EML5: variants seen among roughly 807,000 people sequenced by gnomAD.
EML5 encodes the protein echinoderm microtubule-associated protein-like 5.
In EML5, 120 loss-of-function variants were observed where a neutral mutation model predicts 250.0. That is an observed-to-expected ratio of 0.48 (90% CI 0.41 to 0.56). EML5 has a LOEUF of 0.56. EML5 is among the 20% of genes least tolerant of loss of function. EML5 has a pLI of 0.00. For missense variants in EML5, 2,006 were observed against 2,437.6 expected (o/e 0.82, Z 3.73); for synonymous variants, 771 against 806.5 (o/e 0.96, Z 0.75).
At chr14:88,647,994 T>C (rs563197620) in intron 28 of EML5, among the ~76,000 whole-genome samples, 11 of 152,220 alleles carry the variant, frequency 7.2e-5, no homozygotes, top group Middle Eastern at 3.4e-3. Flanking sequence ...CCTAAGAGGG[T>C]TCCCCAGTCA....
At chr14:88,644,023 G>A (rs1420972249) in intron 30 of EML5, among the ~76,000 whole-genome samples, 1 of 152,164 alleles carries the variant, frequency 6.6e-6, no homozygotes, top group African/African-American at 2.4e-5. Flanking sequence ...AGGAGAAACA[G>A]GCTTCATGAA....
At chr14:88,621,334 T>C (rs1302115767) in intron 37 of EML5, 33 bp from the exon 38 acceptor site, 11 of 1,609,098 alleles carry the variant, frequency 6.8e-6, no homozygotes, top group Non-Finnish European at 9.4e-6. Context: ...ACAGTGAATG[T>C]AATACAACAG....
Position 88,736,072 on chromosome 14 carries a change from C to T in EML5, c.1049+292G>A, listed in dbSNP as rs1305866553. 8.7e-5 allele frequency among the ~76,000 whole-genome samples: 13 copies of T among 148,948 alleles called. No individual in the cohort carries two copies. The East Asian group carries it at 1.2e-3, about 14-fold the overall frequency. ...CTGGAATGCAGTGCCATGATCTTGG[C>T]GCACTGCAACCTTCGCCTCCTGGGT... On this transcript the variant is annotated intron_variant, in intron 7 of 43. Transcript: ENST00000554922.
chr14:88,743,298 A>G (rs1412685162), intron 4 of EML5, among the ~76,000 whole-genome samples: 1 of 152,092 alleles, frequency 6.6e-6, no homozygotes, highest in African/African-American at 2.4e-5. Flanking sequence ...GAAATAGCAA[A>G]TGTTTGGGAT....
chr14:88,710,100 C>T (rs997653040), intron 10 of EML5, among the ~76,000 whole-genome samples: 1 of 152,158 alleles, frequency 6.6e-6, no homozygotes, highest in Non-Finnish European at 1.5e-5. Flanking sequence ...TCACTGTCCA[C>T]CACAGCCCCT....
At chr14:88,616,039 T>A (rs1279831522) in intron 43 of EML5, 103 bp downstream of exon 43, 1 of 1,336,886 alleles carries the variant, frequency 7.5e-7, no homozygotes, top group African/African-American at 1.5e-5. Context: ...CTTCTACTAA[T>A]GTTGACTAGC....
In EML5 at chr14:88,734,820, G is replaced by A. The variant is rs564350610; in HGVS notation, c.1049+1544C>T. ...TGCAATTAGCCAAATCCAGAATGTG[G>A]GAAACGCTGAATAAACTGTAAGAAG... On this transcript the variant is annotated intron_variant, in intron 7 of 43. Coordinates refer to ENST00000554922, the MANE Select transcript of EML5 (RefSeq NM_183387.3). Among the ~76,000 whole-genome samples the A allele has an allele frequency of 1.1e-4, 16 of 152,130 alleles. No individual in the cohort carries two copies. In the East Asian group the frequency reaches 3.1e-3, roughly 29 times the overall value.
chr14:88,769,791 G>A (rs183645493), intron 1 of EML5, among the ~76,000 whole-genome samples: 31 of 152,092 alleles, frequency 2.0e-4, no homozygotes, highest in East Asian at 1.7e-3. Flanking sequence ...ATTCTAATCC[G>A]AAACCACAGG....
intron 21 of EML5, among the ~76,000 whole-genome samples, chr14:88,668,758 A>G (rs1182939512): frequency 2.0e-5 from 3 of 152,296 alleles, no homozygotes; most frequent in Middle Eastern, 3.4e-3. Context: ...AGGGAAGATT[A>G]ATATAGTAAG....
chr14:88,685,028 G>C lies in EML5; in HGVS notation c.2969C>G (p.Thr990Arg). 1.9e-6 allele frequency: 3 copies of C among 1,604,464 alleles called. No individual in the cohort carries two copies. Among genetic ancestry groups the C allele is most frequent in the Non-Finnish European group, 2.6e-6 (3 of 1,175,684 alleles). The part of the protein sequence containing the change: ...ILEVDKSGPI[T>R]LLVQGHMEGE... Reference sequence around the variant, plus strand: ...ATTTAAAATTACCTGAACCAGAAGTGTTATTGGGCCACTTTTATCCACTTC... The same window carrying C: ...ATTTAAAATTACCTGAACCAGAAGTCTTATTGGGCCACTTTTATCCACTTC... Residue 990 changes from threonine to arginine, a missense_variant, in exon 20 of 44, where the codon ACA becomes AGA. By Grantham distance (71) the Thr-to-Arg change is moderately conservative (BLOSUM62 -1). Transcript: ENST00000554922.
At chr14:88,651,161 T>C (rs973464955) in intron 27 of EML5, among the ~76,000 whole-genome samples, 20 of 148,508 alleles carry the variant, frequency 1.3e-4, no homozygotes, top group African/African-American at 2.5e-4. Flanking sequence ...TTTCTTTTTT[T>C]TTTTTTTTTT....
intron 9 of EML5, among the ~76,000 whole-genome samples, chr14:88,714,558 C>A (rs377149606): frequency 6.6e-6 from 1 of 152,082 alleles, no homozygotes; most frequent in Non-Finnish European, 1.5e-5. Flanking sequence ...TCTCACCACA[C>A]ACACACAAAA....
rs878898210 is a variant in EML5, at chr14:88,665,433, C to T, written c.3181G>A (p.Asp1061Asn). 1.9e-6 allele frequency: 3 copies of T among 1,613,992 alleles called. No individual in the cohort carries two copies. Among genetic ancestry groups the T allele is most frequent in the East Asian group, 2.2e-5 (1 of 44,876 alleles). Reference sequence around the variant, plus strand: ...GCATTTGCCATTAAGAAGCTTCCATCGTTGAGACCTACGGCTAAAGCTTTA... The same window carrying T: ...GCATTTGCCATTAAGAAGCTTCCATTGTTGAGACCTACGGCTAAAGCTTTA... ...DGKALAVGLN[D>N]GSFLMANADT... The change falls in exon 22 of 44, where the codon GAT (aspartate) becomes AAT (asparagine). Residue 1061 changes from aspartate to asparagine, a missense_variant. By Grantham distance (23) the Asp-to-Asn change is conservative. Transcript: ENST00000554922.
chr14:88,715,990 C>T (rs1178461548), intron 8 of EML5, among the ~76,000 whole-genome samples: 4 of 151,942 alleles, frequency 2.6e-5, no homozygotes, highest in East Asian at 3.9e-4. Flanking sequence ...TAAAACACCA[C>T]GGAGTTTCCA....
intron 31 of EML5, among the ~76,000 whole-genome samples, chr14:88,641,944 C>T (rs1252015331): frequency 1.3e-5 from 2 of 152,128 alleles, no homozygotes; most frequent in East Asian, 1.9e-4. Context: ...AGACAGACCT[C>T]GATTAAGAAG....
At chr14:88,704,801 T>TA in intron 13 of EML5, 59 bp downstream of exon 13, 1 of 1,246,412 alleles carries the variant, frequency 8.0e-7, no homozygotes, top group Non-Finnish European at 1.2e-6. Context: ...TTAGAGATGT[T>TA]AAGCTAGTAA....
At chr14:88,653,930 G>T (rs1051798063) in intron 27 of EML5, among the ~76,000 whole-genome samples, 4 of 151,698 alleles carry the variant, frequency 2.6e-5, no homozygotes, top group African/African-American at 9.7e-5. Flanking sequence ...GCTTTTTTTT[G>T]GTTGGTAGGC....
At chr14:88,685,172 G>A (rs1268605412) in intron 19 of EML5, 30 bp from the exon 20 acceptor site, 1 of 1,570,660 alleles carries the variant, frequency 6.4e-7, no homozygotes, top group South Asian at 1.2e-5. Context: ...TGTTCTTTTA[G>A]ACATACAGTT....
In EML5 at chr14:88,740,521, T is replaced by C; in HGVS notation, c.577A>G (p.Lys193Glu). The C allele has an allele frequency of 2.5e-6, 4 of 1,613,554 alleles. No homozygotes were observed. The highest frequency in any genetic ancestry group is 3.4e-6 in the Non-Finnish European group (4 of 1,179,712). ...ALTPKRGVFGKTGDLQTILCL... is the reference protein window; with the variant it reads ...ALTPKRGVFGETGDLQTILCL... ...AGTATTGTCTGAAGGTCACCCGTCT[T>C]ACCAAAGACACCTCGTTTTGGGGTC... Residue 193 changes from lysine to glutamate, a missense_variant, in exon 5 of 44, where the codon AAG (lysine) becomes GAG (glutamate). By Grantham distance (56) the Lys-to-Glu change is moderately conservative. Transcript: ENST00000554922.
Sources: gnomAD v4.1 joint callset for allele counts (sites outside exome capture counted in the v4.1 genomes callset) on GRCh38, gnomAD v4.1.1 for gene constraint, MANE v1.5 for transcripts, NCBI Gene and HGNC (gene_info 2026-07-23, HGNC 2026-07-21) for gene names.